TRMT11: variants seen among roughly 807,000 people sequenced by gnomAD.
The protein encoded by TRMT11 is tRNA (guanine(10)-N(2))-methyltransferase TRMT11.
Under a neutral mutation model 62.8 loss-of-function variants are expected in TRMT11, and 53 were observed. The ratio of observed to expected loss-of-function variants is 0.84; its 90% CI spans 0.68 to 1.06. The LOEUF (loss-of-function observed/expected upper bound fraction) is 1.06, where lower values mean the gene tolerates loss of function less well. Among genes scored for constraint, TRMT11 ranks in the 50% least tolerant of loss-of-function variants. The pLI is 0.00. For synonymous variants in TRMT11, 188 were observed against 190.3 expected (o/e 0.99, Z 0.10); for missense variants, 556 against 553.4 (o/e 1.00, Z -0.05).
At chr6:126,209,619 G>C in the TRMT11 span, among the ~76,000 whole-genome samples, 1 of 151,750 alleles carries the variant, frequency 6.6e-6, no homozygotes, top group African/African-American at 2.4e-5. Flanking sequence ...CCAGCTACTC[G>C]GGAGGCTGAG....
chr6:126,212,792 A>G, the TRMT11 span, among the ~76,000 whole-genome samples: 14 of 151,970 alleles, frequency 9.2e-5, no homozygotes. Context: ...AGGTCATCTC[A>G]TTTGTCCTTT....
intron 17 of TRMT11, among the ~76,000 whole-genome samples, chr6:126,110,948 C>T (rs1022969564): frequency 2.0e-5 from 3 of 152,002 alleles, no homozygotes; most frequent in African/African-American, 4.8e-5. Context: ...ACTTCCAAAA[C>T]AGAAATATTG....
the TRMT11 span, among the ~76,000 whole-genome samples, chr6:126,232,592 G>C: frequency 2.0e-5 from 3 of 152,134 alleles, no homozygotes; most frequent in African/African-American, 7.2e-5. Flanking sequence ...GAGTAGGGCA[G>C]GAAAGTGCTC....
At chr6:126,094,832 A>C (rs545317685) in intron 17 of TRMT11, among the ~76,000 whole-genome samples, 1 of 152,076 alleles carries the variant, frequency 6.6e-6, no homozygotes, top group South Asian at 2.1e-4. Context: ...TTTTCAAAGA[A>C]CTCTCATATG....
At chr6:126,271,363 C>CAAA in the TRMT11 span, among the ~76,000 whole-genome samples, 877 of 36,208 alleles carry the variant, frequency 0.024, 42 homozygotes, top group African/African-American at 0.046. Flanking sequence ...GACTCCATCT[C>CAAA]AAAAAAAAAA....
the TRMT11 span, among the ~76,000 whole-genome samples, chr6:126,209,486 C>T: frequency 1.3e-5 from 2 of 151,434 alleles, no homozygotes; most frequent in African/African-American, 2.4e-5. Flanking sequence ...TTTGGGAGGC[C>T]GAGGTGGGTG....
chr6:126,075,771 A>G (rs113394756), intron 17 of TRMT11, among the ~76,000 whole-genome samples: 1 of 150,042 alleles, frequency 6.7e-6, no homozygotes, highest in African/African-American at 2.5e-5. Context: ...TTCCCACTCA[A>G]ATAAAGTTTA....
intron 1 of TRMT11, among the ~76,000 whole-genome samples, chr6:126,193,215 GT>G (rs1464429512): frequency 2.6e-5 from 4 of 151,884 alleles, no homozygotes; most frequent in African/African-American, 9.7e-5. Flanking sequence ...ACATCTAGCT[GT>G]TTATTATAGT....
chr6:126,093,627 A>ATTTTT lies in TRMT11; in HGVS notation c.*1438-19238_*1438-19237insTTTTT, dbSNP rs1343339966. 5.3e-5 allele frequency among the ~76,000 whole-genome samples: 5 copies of ATTTTT among 94,636 alleles called. 1 individual carries two copies. The highest frequency in any genetic ancestry group is 2.4e-4 in the African/African-American group (5 of 21,150). The allele number at this position is 94,636 out of a possible 152,430, so 62.1% of individuals were successfully genotyped here. ...TATATATATATATATATATATATAT[A>ATTTTT]TATATTTTCCCCCAGTCCTGGAGGA... On this transcript the variant is annotated intron_variant and NMD_transcript_variant, in intron 17 of 22. Coordinates refer to the TRMT11 transcript ENST00000648977.
At chr6:125,988,770 A>T (rs112841771) in intron 1 of TRMT11, among the ~76,000 whole-genome samples, 205 of 152,342 alleles carry the variant, frequency 1.3e-3, no homozygotes, top group African/African-American at 4.7e-3. Context: ...TGAAAGTCGT[A>T]TATCTGTAAT....
the TRMT11 span, among the ~76,000 whole-genome samples, chr6:126,214,582 T>G: frequency 2.0e-5 from 3 of 151,992 alleles, no homozygotes; most frequent in South Asian, 6.2e-4. Flanking sequence ...TTGTATTGTC[T>G]CCCTTTTCAT....
At chr6:126,143,863 G>T (rs529001278) in intron 21 of TRMT11, among the ~76,000 whole-genome samples, 18 of 152,226 alleles carry the variant, frequency 1.2e-4, no homozygotes, top group African/African-American at 3.8e-4. Context: ...TAGTGTCTGG[G>T]CTCTAGGATG....
intron 21 of TRMT11, among the ~76,000 whole-genome samples, chr6:126,118,350 A>G (rs1469387192): frequency 6.6e-6 from 1 of 152,090 alleles, no homozygotes. Context: ...ACAAGTTCTA[A>G]AAGTTCCTGG....
At position 126,161,079 on chromosome 6, in the gene TRMT11, A is replaced by T. The variant is rs375740587; in HGVS notation, c.*1824-13746A>T. 6.6e-5 allele frequency among the ~76,000 whole-genome samples: 10 copies of T among 152,052 alleles called. No homozygotes were observed. The East Asian group carries it at 1.7e-3, about 26-fold the overall frequency. On this transcript the variant is annotated intron_variant and NMD_transcript_variant, in intron 21 of 22. Coordinates refer to the TRMT11 transcript ENST00000648977. ...TATTATGGTTCTTTTTATTATTATT[A>T]TTTTTAAATATTTTATTATACTTTA...
At chr6:126,199,488 C>T (rs1778710593) in intron 2 of TRMT11, among the ~76,000 whole-genome samples, 1 of 152,178 alleles carries the variant, frequency 6.6e-6, no homozygotes, top group Non-Finnish European at 1.5e-5. Context: ...ACAACTTGAG[C>T]TTTCAGAGTC....
At chr6:126,038,497 C>T (rs896791269) in intron 12 of TRMT11, among the ~76,000 whole-genome samples, 1 of 150,022 alleles carries the variant, frequency 6.7e-6, no homozygotes. Flanking sequence ...TTTTGTGAGG[C>T]TTTAATGAGG....
chr6:126,150,638 A>G (rs1281702402), intron 21 of TRMT11, among the ~76,000 whole-genome samples: 2 of 152,166 alleles, frequency 1.3e-5, no homozygotes, highest in Non-Finnish European at 2.9e-5. Context: ...GAAGGCATGG[A>G]TTGTCTGTGC....
At chr6:126,240,050 C>T in the TRMT11 span, among the ~76,000 whole-genome samples, 1 of 152,302 alleles carries the variant, frequency 6.6e-6, no homozygotes, top group South Asian at 2.1e-4. Context: ...CCATGGTTTT[C>T]AGCTCCATCA....
downstream of TRMT11, among the ~76,000 whole-genome samples, chr6:126,041,313 A>G (rs1775873063): frequency 6.6e-6 from 1 of 152,142 alleles, no homozygotes; most frequent in African/African-American, 2.4e-5. Context: ...AGTTTGAGAC[A>G]TGGAAATAGC....
Sources: gnomAD v4.1 joint callset for allele counts (sites outside exome capture counted in the v4.1 genomes callset) on GRCh38, gnomAD v4.1.1 for gene constraint, MANE v1.5 for transcripts, NCBI Gene and HGNC (gene_info 2026-07-23, HGNC 2026-07-21) for gene names.